The following MED13L variants were observed in gnomAD, a reference collection of about 807,000 sequenced individuals.
MED13L encodes mediator of RNA polymerase II transcription subunit 13-like.
A neutral mutation model predicts 220.9 loss-of-function variants in MED13L; 7 were observed. The observed-to-expected ratio is 0.03, with a 90% confidence interval of 0.02 to 0.06. MED13L has a LOEUF of 0.06. MED13L is among the 10% of genes least tolerant of loss of function. The pLI, the probability that MED13L is intolerant of heterozygous loss-of-function variation, is 1.00. For missense variants in MED13L, 1,965 were observed against 2,760.5 expected (o/e 0.71, Z 6.46); for synonymous variants, 1,011 against 1,015.2 (o/e 1.00, Z 0.08).
intron 2 of MED13L, among the ~76,000 whole-genome samples, chr12:116,137,945 C>T (rs1876714366): frequency 6.6e-6 from 1 of 150,916 alleles, no homozygotes; most frequent in Non-Finnish European, 1.5e-5. Flanking sequence ...CAACCTCCGC[C>T]TCCCAGGTTC....
Position 115,984,243 on chromosome 12 carries a change from C to T in MED13L, c.4468G>A (p.Gly1490Ser), listed in dbSNP as rs749956782. 1.7e-5 allele frequency: 28 copies of T among 1,613,760 alleles called. No homozygotes were observed. Among genetic ancestry groups the T allele is most frequent in the Middle Eastern group, 1.6e-4 (1 of 6,078 alleles). The change falls in exon 20 of 31, where the codon GGC (glycine) becomes AGC (serine). Residue 1490 changes from glycine to serine, a missense_variant. Transcript: ENST00000281928. ...CTGGAATGATTGTCATTCTCCTCGC[C>T]GCTCCAAGGCTGGTTAAACCACTCA... ...VSEWFNQPWSGEENDNHSRLK... is the reference protein window; with the variant it reads ...VSEWFNQPWSSEENDNHSRLK...
At chr12:116,276,610 A>G (rs1873862329) in intron 1 of MED13L, 2 of 1,200,520 alleles carry the variant, frequency 1.7e-6, no homozygotes, top group African/African-American at 1.6e-5. Flanking sequence ...ATTTAAAAAA[A>G]TTCAAAAGGC....
intron 3 of MED13L, among the ~76,000 whole-genome samples, chr12:116,105,198 T>G (rs1340646156): frequency 6.6e-6 from 1 of 152,170 alleles, no homozygotes; most frequent in East Asian, 1.9e-4. Context: ...TGTGAGGCAA[T>G]CTGAACTTAA....
In MED13L at chr12:116,038,744, C is replaced by CAAAAAAAAAAAAAAAAA. The variant is rs63703461; in HGVS notation, c.480-16160_480-16144dup. On this transcript the variant is annotated intron_variant, in intron 4 of 30. Coordinates refer to ENST00000281928, the MANE Select transcript of MED13L (RefSeq NM_015335.5). ...GACTTTACCTATGCGGTCAAAAGGC[C>CAAAAAAAAAAAAAAAAA]AAAAAAAAAAAAAAAAAAAAAAAAA... Among the ~76,000 whole-genome samples the CAAAAAAAAAAAAAAAAA allele has an allele frequency of 4.0e-4, 30 of 75,262 alleles. 2 individuals carry two copies. The highest frequency in any genetic ancestry group is 1.4e-3 in the African/African-American group (23 of 16,648). The allele number at this position is 75,262 out of a possible 152,430, so 49.4% of individuals were successfully genotyped here. A position where few individuals can be genotyped will look rare whatever the true frequency, so the allele number is the denominator to read the frequency against.
intron 1 of MED13L, among the ~76,000 whole-genome samples, chr12:116,267,361 A>G (rs1872910564): frequency 1.3e-5 from 2 of 152,214 alleles, no homozygotes; most frequent in Admixed American, 6.5e-5. Flanking sequence ...TGCTCCCTAG[A>G]AAAAAATACA....
chr12:115,965,100 T>C (rs1049673946), intron 29 of MED13L, among the ~76,000 whole-genome samples: 1 of 152,258 alleles, frequency 6.6e-6, no homozygotes, highest in African/African-American at 2.4e-5. Context: ...TAATAAGTTT[T>C]TGGTTTAATT....
intron 4 of MED13L, among the ~76,000 whole-genome samples, chr12:116,068,382 A>G (rs892412017): frequency 1.3e-5 from 2 of 152,194 alleles, no homozygotes; most frequent in Non-Finnish European, 2.9e-5. Context: ...TGATAATATG[A>G]TCTGTAGAGC....
Position 116,129,942 on chromosome 12 carries a change from A to T in MED13L, c.311-18430T>A, listed in dbSNP as rs182193200. Among the ~76,000 whole-genome samples, 419 of 151,980 alleles carry T rather than the reference A, an allele frequency of 2.8e-3. 3 individuals carry two copies. The highest frequency in any genetic ancestry group is 8.8e-3 in the African/African-American group (366 of 41,430). On this transcript the variant is annotated intron_variant, in intron 2 of 30. Transcript: ENST00000281928. Reference sequence around the variant, plus strand: ...AAAAAAGAAAGAAAGAAAGAAAGAAAGAATGAAATGATCAGCACATATCCA... The same window carrying T: ...AAAAAAGAAAGAAAGAAAGAAAGAATGAATGAAATGATCAGCACATATCCA...
At position 116,102,639 on chromosome 12, in the gene MED13L, C is replaced by A. The variant is rs555143874; in HGVS notation, c.396-5887G>T. Among the ~76,000 whole-genome samples the A allele has an allele frequency of 5.3e-5, 8 of 150,976 alleles. No homozygotes were observed. In the South Asian group the frequency reaches 1.7e-3, roughly 32 times the overall value. The stretch of plus-strand genomic sequence containing the variant: ...CCAATCCCTAACCAAATAAAATAAA[C>A]CTACATAATCAAGGGGCTGAAGAAA... On this transcript the variant is annotated intron_variant, in intron 3 of 30. Coordinates refer to ENST00000281928, the MANE Select transcript of MED13L (RefSeq NM_015335.5).
At chr12:116,240,726 C>CG (rs893957640) in intron 1 of MED13L, among the ~76,000 whole-genome samples, 40 of 150,682 alleles carry the variant, frequency 2.7e-4, no homozygotes, top group East Asian at 1.6e-3. Context: ...TTAGTAGAGA[C>CG]GGGGGGGTTT....
chr12:116,129,942 A>AGAAT (rs1875929791), intron 2 of MED13L, among the ~76,000 whole-genome samples: 1 of 151,882 alleles, frequency 6.6e-6, no homozygotes, highest in Admixed American at 6.6e-5. Context: ...AAAGAAAGAA[A>AGAAT]GAATGAAATG....
Position 115,991,990 on chromosome 12 carries a change from G to A in MED13L, c.2997-33C>T. 1.9e-6 allele frequency: 3 copies of A among 1,560,268 alleles called. No homozygotes were observed. The highest frequency in any genetic ancestry group is 2.6e-6 in the Non-Finnish European group (3 of 1,148,252). ...AAGAGAAGGCACCAAGTGAGGAAGG[G>A]CAGCATGTCACAGATGCTGAACTAG... On this transcript the variant is annotated intron_variant, in intron 16 of 30. Coordinates refer to ENST00000281928, the MANE Select transcript of MED13L (RefSeq NM_015335.5). The surrounding 1 kb of genome is among the most constrained non-coding windows in gnomAD (Gnocchi z 7.7).
chr12:116,048,288 T>C (rs1420682715), intron 4 of MED13L, among the ~76,000 whole-genome samples: 1 of 151,994 alleles, frequency 6.6e-6, no homozygotes, highest in East Asian at 1.9e-4. Context: ...GAAGACACTG[T>C]ATATTACAGT....
At chr12:116,255,925 C>T (rs535926176) in intron 1 of MED13L, among the ~76,000 whole-genome samples, 1 of 152,256 alleles carries the variant, frequency 6.6e-6, no homozygotes, top group Non-Finnish European at 1.5e-5. Flanking sequence ...AGTAGGGACG[C>T]TCAGCCAGTA....
At chr12:116,158,151 GAA>G (rs753715015) in intron 2 of MED13L, among the ~76,000 whole-genome samples, 11 of 128,782 alleles carry the variant, frequency 8.5e-5, no homozygotes, top group African/African-American at 2.9e-4. Flanking sequence ...AATTCAAGGG[GAA>G]AAAAAAAAAA....
intron 9 of MED13L, among the ~76,000 whole-genome samples, chr12:116,009,718 C>T (rs534323548): frequency 3.9e-5 from 6 of 152,150 alleles, no homozygotes; most frequent in Non-Finnish European, 5.9e-5. Flanking sequence ...GGATAAAAGA[C>T]AACTTTGGAT....
intron 26 of MED13L, 76 bp from the exon 27 acceptor site, chr12:115,970,846 A>C: frequency 7.4e-7 from 1 of 1,353,020 alleles, no homozygotes; most frequent in Non-Finnish European, 1.0e-6. Flanking sequence ...CCTGATCTGG[A>C]GTGGTATGAG....
At chr12:116,172,842 G>A (rs553697562) in intron 2 of MED13L, among the ~76,000 whole-genome samples, 1 of 147,816 alleles carries the variant, frequency 6.8e-6, no homozygotes, top group African/African-American at 2.5e-5. Flanking sequence ...ATACAGATTA[G>A]TTTCCATCCT....
intron 1 of MED13L, among the ~76,000 whole-genome samples, chr12:116,238,712 A>G (rs1870328482): frequency 6.6e-6 from 1 of 152,008 alleles, no homozygotes; most frequent in Non-Finnish European, 1.5e-5. Flanking sequence ...AACATAATTG[A>G]AACATATTAA....
Sources: gnomAD v4.1 joint callset for allele counts (sites outside exome capture counted in the v4.1 genomes callset) on GRCh38, gnomAD v4.1.1 for gene constraint, Gnocchi (gnomAD v3.1) non-coding constraint, MANE v1.5 for transcripts, NCBI Gene and HGNC (gene_info 2026-07-23, HGNC 2026-07-21) for gene names.